The following RIT2 variants were observed in gnomAD, a reference collection of about 807,000 sequenced individuals.
RIT2 encodes GTP-binding protein Rit2.
Under a neutral mutation model 23.7 loss-of-function variants are expected in RIT2, and 24 were observed. That is an observed-to-expected ratio of 1.01 (90% confidence interval 0.73 to 1.43). The LOEUF (loss-of-function observed/expected upper bound fraction) is 1.43. Among genes scored for constraint, RIT2 ranks in the 40% most tolerant of loss-of-function variants. The probability of loss-of-function intolerance (pLI) is 0.00; values close to 1 mark genes in which losing one functional copy is unlikely to be tolerated. For missense variants in RIT2, 236 were observed against 266.9 expected, an observed-to-expected ratio of 0.88 and a Z score of 0.81; for synonymous variants, 107 against 91.1, an observed-to-expected ratio of 1.17 and a Z score of -0.99.
chr18:42,823,042 T>C (rs2143995390), intron 4 of RIT2, among the ~76,000 whole-genome samples: 1 of 152,198 alleles, frequency 6.6e-6, no homozygotes, highest in East Asian at 1.9e-4. Flanking sequence ...GAGGCTCTAG[T>C]AAAGAAATCA....
chr18:42,798,255 C>G (rs1905430113), intron 4 of RIT2, among the ~76,000 whole-genome samples: 1 of 152,120 alleles, frequency 6.6e-6, no homozygotes, highest in Admixed American at 6.5e-5. Context: ...ACAATTATCT[C>G]AAGAAGTTTT....
chr18:43,042,583 A>G (rs1205072169), intron 1 of RIT2, among the ~76,000 whole-genome samples: 1 of 152,186 alleles, frequency 6.6e-6, no homozygotes, highest in Admixed American at 6.5e-5. Flanking sequence ...TTCTCTCATT[A>G]CTGAATTTAA....
chr18:42,817,571 CTG>C (rs1324119286), intron 4 of RIT2, among the ~76,000 whole-genome samples: 2 of 151,954 alleles, frequency 1.3e-5, no homozygotes, highest in Non-Finnish European at 2.9e-5. Context: ...GGAAGTAAAA[CTG>C]TATTGTAATT....
intron 1 of RIT2, among the ~76,000 whole-genome samples, chr18:43,035,077 T>C (rs1360618697): frequency 6.6e-6 from 1 of 152,222 alleles, no homozygotes; most frequent in Non-Finnish European, 1.5e-5. Flanking sequence ...TTTAAGTGTG[T>C]ACACACTTTA....
At chr18:42,766,212 A>G (rs1913418464) in intron 4 of RIT2, among the ~76,000 whole-genome samples, 1 of 152,212 alleles carries the variant, frequency 6.6e-6, no homozygotes, top group Non-Finnish European at 1.5e-5. Flanking sequence ...GCTCAGAAAA[A>G]GACAGGAAAA....
At chr18:42,996,768 C>T (rs1463040405) in intron 2 of RIT2, among the ~76,000 whole-genome samples, 3 of 152,134 alleles carry the variant, frequency 2.0e-5, no homozygotes, top group Non-Finnish European at 4.4e-5. Flanking sequence ...TTATTGCTCA[C>T]ACAAAGCCTG....
intron 1 of RIT2, among the ~76,000 whole-genome samples, chr18:43,038,184 G>A (rs186443195): frequency 4.8e-5 from 6 of 126,306 alleles, no homozygotes; most frequent in Admixed American, 1.8e-4. Flanking sequence ...CAGCCTGGGC[G>A]ACAGAGTGAG....
rs180832993 is a variant in RIT2 at position 42,845,969 on chromosome 18, A to T, written c.426+77603T>A. On this transcript the variant is annotated intron_variant, in intron 4 of 4. Coordinates refer to ENST00000326695, the MANE Select transcript of RIT2 (RefSeq NM_002930.4). ...AAGTTGTAAAATCAGTATGCTACTTATCAATGTTAAGAAATTAGCCAAACA... is the reference window on the plus strand; with the variant it reads ...AAGTTGTAAAATCAGTATGCTACTTTTCAATGTTAAGAAATTAGCCAAACA... Among the ~76,000 whole-genome samples, 741 of 152,158 alleles carry T rather than the reference A, an allele frequency of 4.9e-3. 3 individuals carry two copies. Among genetic ancestry groups the T allele is most frequent in the Non-Finnish European group, 6.9e-3 (466 of 67,884 alleles).
intron 4 of RIT2, among the ~76,000 whole-genome samples, chr18:42,829,928 C>A (rs1361638802): frequency 6.6e-6 from 1 of 151,924 alleles, no homozygotes; most frequent in African/African-American, 2.4e-5. Context: ...GGATCCATGG[C>A]AAGGACTAAA....
chr18:42,876,115 C>T (rs1189670505), intron 4 of RIT2, among the ~76,000 whole-genome samples: 1 of 151,928 alleles, frequency 6.6e-6, no homozygotes, highest in Non-Finnish European at 1.5e-5. Context: ...ACTATACGGA[C>T]TCAAAAAGTT....
At chr18:42,757,736 C>G (rs1032914358) in intron 4 of RIT2, among the ~76,000 whole-genome samples, 1 of 152,114 alleles carries the variant, frequency 6.6e-6, no homozygotes, top group African/African-American at 2.4e-5. Context: ...GTTCCCTGTC[C>G]TATTTCTCGT....
At chr18:42,905,295 T>G (rs759789710) in intron 4 of RIT2, among the ~76,000 whole-genome samples, 5 of 152,148 alleles carry the variant, frequency 3.3e-5, no homozygotes, top group Non-Finnish European at 5.9e-5. Flanking sequence ...GATATCAAAA[T>G]TATAATAATG....
At chr18:42,900,604 A>C (rs1908450086) in intron 4 of RIT2, among the ~76,000 whole-genome samples, 1 of 151,900 alleles carries the variant, frequency 6.6e-6, no homozygotes, top group African/African-American at 2.4e-5. Flanking sequence ...CACATCCCTG[A>C]CTCTGTCTTC....
chr18:42,886,005 A>C (rs1348807266), intron 4 of RIT2, among the ~76,000 whole-genome samples: 1 of 152,196 alleles, frequency 6.6e-6, no homozygotes, highest in Non-Finnish European at 1.5e-5. Flanking sequence ...ATTAGTAACC[A>C]GGATGTGTGA....
intron 1 of RIT2, among the ~76,000 whole-genome samples, chr18:43,044,612 A>T (rs920641544): frequency 2.6e-5 from 4 of 152,204 alleles, no homozygotes; most frequent in African/African-American, 9.7e-5. Flanking sequence ...TAGTCATAAG[A>T]CATTTACTGA....
chr18:42,975,720 T>C (rs117200580), intron 2 of RIT2, among the ~76,000 whole-genome samples: 4,487 of 152,130 alleles, frequency 0.029, 96 homozygotes, highest in Non-Finnish European at 0.05. Context: ...GGTCTGGGGC[T>C]CCACTACAGT....
chr18:42,869,946 C>A (rs1246576361), intron 4 of RIT2, among the ~76,000 whole-genome samples: 2 of 152,188 alleles, frequency 1.3e-5, no homozygotes, highest in Non-Finnish European at 2.9e-5. Flanking sequence ...CTGCCACCTC[C>A]AGACTTCCCA....
At chr18:43,036,287 C>T (rs1911972798) in intron 1 of RIT2, among the ~76,000 whole-genome samples, 1 of 152,202 alleles carries the variant, frequency 6.6e-6, no homozygotes, top group Non-Finnish European at 1.5e-5. Flanking sequence ...CGCCTGTAAT[C>T]CTAGCGCTTT....
chr18:42,819,433 T>C (rs1598667064), intron 4 of RIT2, among the ~76,000 whole-genome samples: 2 of 152,064 alleles, frequency 1.3e-5, no homozygotes, highest in South Asian at 4.1e-4. Context: ...TGAATCTTTA[T>C]TATTTTAGGT....
Sources: allele counts gnomAD v4.1 joint callset (sites outside exome capture counted in the v4.1 genomes callset), GRCh38; gene constraint gnomAD v4.1.1; transcripts MANE v1.5; gene names NCBI Gene and HGNC (gene_info 2026-07-23, HGNC 2026-07-21).